CYSTM1: variants seen among roughly 807,000 people sequenced by gnomAD.
CYSTM1 encodes the protein cysteine-rich transmembrane module-containing protein 1.
A neutral mutation model predicts 13.1 loss-of-function variants in CYSTM1; 4 were observed. The ratio of observed to expected loss-of-function variants is 0.31; its 90% CI spans 0.15 to 0.70. The LOEUF (loss-of-function observed/expected upper bound fraction) is 0.70, where lower values mean the gene tolerates loss of function less well. Among genes scored for constraint, CYSTM1 ranks in the 30% least tolerant of loss-of-function variants. The pLI, the probability that CYSTM1 is intolerant of heterozygous loss-of-function variation, is 0.72. For missense variants in CYSTM1, 96 were observed against 121.6 expected, an observed-to-expected ratio of 0.79 and a Z score of 0.99; for synonymous variants, 36 against 42.7, an observed-to-expected ratio of 0.84 and a Z score of 0.62.
At chr5:140,203,840 C>G (rs183069262) in intron 2 of CYSTM1, among the ~76,000 whole-genome samples, 2 of 152,314 alleles carry the variant, frequency 1.3e-5, no homozygotes, top group East Asian at 3.9e-4. Flanking sequence ...TTATTACCCT[C>G]TGACCTTATA....
intron 2 of CYSTM1, among the ~76,000 whole-genome samples, chr5:140,212,983 G>GTGTATATATATATATCTATA: frequency 8.7e-6 from 1 of 114,294 alleles, no homozygotes; most frequent in Non-Finnish European, 1.8e-5. Context: ...CAAAACAAAA[G>GTGTATATATATATATCTATA]TATATATATA....
Position 140,243,319 on chromosome 5 carries a change from G to A in CYSTM1, c.202G>A (p.Asp68Asn), listed in dbSNP as rs755004857. Residue 68 changes from aspartate to asparagine, a missense_variant, in exon 3 of 3, where the codon GAC becomes AAC. Physicochemically the swap from Asp to Asn is conservative, Grantham distance 23 (BLOSUM62 1). Coordinates refer to ENST00000261811, the MANE Select transcript of CYSTM1 (RefSeq NM_032412.4). ...TCTCCCTCCAGTGTATGTGGTAGAA[G>A]ACCAAAGAAGAGATGAGCTAGGACC... The part of the protein sequence containing the change: ...PPKTTVYVVE[D>N]QRRDELGPST... 9.3e-6 allele frequency: 15 copies of A among 1,613,922 alleles called. No homozygotes were observed. Among genetic ancestry groups the A allele is most frequent in the Non-Finnish European group, 4.2e-6 (5 of 1,179,968 alleles).
At chr5:140,237,588 T>C (rs548774628) in intron 2 of CYSTM1, among the ~76,000 whole-genome samples, 1 of 152,256 alleles carries the variant, frequency 6.6e-6, no homozygotes, top group Non-Finnish European at 1.5e-5. Context: ...CAATTGTCTC[T>C]ATCTACAGTC....
intron 1 of CYSTM1, among the ~76,000 whole-genome samples, chr5:140,193,044 A>C (rs1764111148): frequency 6.6e-6 from 1 of 152,242 alleles, no homozygotes; most frequent in Non-Finnish European, 1.5e-5. Flanking sequence ...TAATAAAGTC[A>C]CTTAGGAATT....
At chr5:140,203,124 A>G (rs1410334120) in intron 2 of CYSTM1, 10 of 152,194 alleles carry the variant, frequency 6.6e-5, no homozygotes, top group African/African-American at 2.2e-4. Flanking sequence ...CCATGTTACA[A>G]TGCAAGAATG....
chr5:140,234,162 G>A (rs1764650748), intron 2 of CYSTM1, among the ~76,000 whole-genome samples: 1 of 152,176 alleles, frequency 6.6e-6, no homozygotes, highest in Non-Finnish European at 1.5e-5. Flanking sequence ...TAAAATAGCT[G>A]AGGGGTTTTG....
chr5:140,222,429 G>A (rs1053253484), intron 2 of CYSTM1, among the ~76,000 whole-genome samples: 1 of 152,202 alleles, frequency 6.6e-6, no homozygotes, highest in Non-Finnish European at 1.5e-5. Flanking sequence ...ATCTGTATTT[G>A]CCAGGCCACT....
chr5:140,197,252 A>G (rs929490855), intron 2 of CYSTM1, among the ~76,000 whole-genome samples: 1 of 152,222 alleles, frequency 6.6e-6, no homozygotes, highest in Non-Finnish European at 1.5e-5. Flanking sequence ...AGATTTGGTC[A>G]TCTTTCTTAC....
intron 2 of CYSTM1, among the ~76,000 whole-genome samples, chr5:140,211,420 C>T (rs189167933): frequency 6.6e-6 from 1 of 152,312 alleles, no homozygotes; most frequent in African/African-American, 2.4e-5. Context: ...ATTGTAAACA[C>T]GGCTTCCAAG....
chr5:140,233,424 C>G (rs1764639869), intron 2 of CYSTM1, among the ~76,000 whole-genome samples: 1 of 152,160 alleles, frequency 6.6e-6, no homozygotes, highest in Non-Finnish European at 1.5e-5. Context: ...TTGTTTCTAC[C>G]TCTGAGTGAT....
At chr5:140,236,642 G>A (rs1764684290) in intron 2 of CYSTM1, among the ~76,000 whole-genome samples, 1 of 152,158 alleles carries the variant, frequency 6.6e-6, no homozygotes, top group South Asian at 2.1e-4. Context: ...TAAGGCAGTA[G>A]CTGTACAACT....
chr5:140,176,422 A>G (rs1031456646), intron 1 of CYSTM1, among the ~76,000 whole-genome samples: 4 of 152,216 alleles, frequency 2.6e-5, no homozygotes, highest in Non-Finnish European at 4.4e-5. Flanking sequence ...GATACATGTA[A>G]ACTTTGTGGA....
chr5:140,206,038 C>A (rs1371866289), intron 2 of CYSTM1, among the ~76,000 whole-genome samples: 3 of 152,176 alleles, frequency 2.0e-5, no homozygotes, highest in Non-Finnish European at 4.4e-5. Flanking sequence ...GCTGCTGCCA[C>A]CTCTCTGACT....
At position 140,243,329 on chromosome 5, in the gene CYSTM1, G is replaced by C; in HGVS notation, c.212G>C (p.Arg71Thr). Residue 71 changes from arginine to threonine, a missense_variant, in exon 3 of 3, where the codon AGA (arginine) becomes ACA (threonine). Physicochemically the swap from Arg to Thr is moderately conservative, Grantham distance 71. Transcript: ENST00000261811. Reference sequence around the variant, plus strand: ...GTGTATGTGGTAGAAGACCAAAGAAGAGATGAGCTAGGACCATCCACCTGC... The same window carrying C: ...GTGTATGTGGTAGAAGACCAAAGAACAGATGAGCTAGGACCATCCACCTGC... ...TTVYVVEDQR[R>T]DELGPSTCLT... is the part of the protein sequence containing the mutation. The C allele has an allele frequency of 6.2e-7, 1 of 1,614,118 alleles. No homozygotes were observed. Among genetic ancestry groups the C allele is most frequent in the African/African-American group, 1.3e-5 (1 of 75,038 alleles).
intron 1 of CYSTM1, among the ~76,000 whole-genome samples, chr5:140,177,288 T>G (rs983148141): frequency 6.6e-6 from 1 of 152,050 alleles, no homozygotes; most frequent in Non-Finnish European, 1.5e-5. Flanking sequence ...GTCTATTTTA[T>G]TTTATTTATT....
At chr5:140,221,309 C>G (rs556956327) in intron 2 of CYSTM1, among the ~76,000 whole-genome samples, 1 of 152,348 alleles carries the variant, frequency 6.6e-6, no homozygotes, top group African/African-American at 2.4e-5. Flanking sequence ...CACCACCACT[C>G]ATCTCCAAAA....
intron 2 of CYSTM1, among the ~76,000 whole-genome samples, chr5:140,215,286 C>T (rs1176429959): frequency 6.6e-6 from 1 of 152,076 alleles, no homozygotes; most frequent in African/African-American, 2.4e-5. Flanking sequence ...CAGGACATGA[C>T]ATAGAATTAT....
At chr5:140,228,233 C>A (rs1259391659) in intron 2 of CYSTM1, among the ~76,000 whole-genome samples, 1 of 152,186 alleles carries the variant, frequency 6.6e-6, no homozygotes, top group Non-Finnish European at 1.5e-5. Flanking sequence ...TGTCTCTCCC[C>A]TTCTCCCTAA....
intron 2 of CYSTM1, among the ~76,000 whole-genome samples, chr5:140,240,139 G>C (rs551304455): frequency 1.3e-5 from 2 of 151,980 alleles, no homozygotes; most frequent in African/African-American, 4.8e-5. Flanking sequence ...CTACCAACGT[G>C]CCCAGAAAGG....
Sources: allele counts gnomAD v4.1 joint callset (sites outside exome capture counted in the v4.1 genomes callset), GRCh38; gene constraint gnomAD v4.1.1; transcripts MANE v1.5; gene names NCBI Gene and HGNC (gene_info 2026-07-23, HGNC 2026-07-21).